Variants in CPT1A observed in about 807,000 individuals in gnomAD.
CPT1A encodes the protein carnitine O-palmitoyltransferase 1, liver isoform.
A neutral mutation model predicts 100.8 loss-of-function variants in CPT1A; 64 were observed. That is an observed-to-expected ratio of 0.63 (90% confidence interval 0.52 to 0.78). The LOEUF is 0.78. Among genes scored for constraint, CPT1A ranks in the 30% least tolerant of loss-of-function variants. The pLI is 0.00. For synonymous variants in CPT1A, 363 were observed against 396.0 expected (o/e 0.92, Z 0.99); for missense variants, 802 against 1,034.1 (o/e 0.78, Z 3.08).
chr11:68,797,782 T>G (rs1183025011), intron 6 of CPT1A, among the ~76,000 whole-genome samples: 2 of 152,130 alleles, frequency 1.3e-5, no homozygotes, highest in Non-Finnish European at 2.9e-5. Context: ...GTTCCGGACC[T>G]GCCTGGCCAA....
chr11:68,829,531 C>A (rs2154002494), intron 1 of CPT1A, among the ~76,000 whole-genome samples: 1 of 152,184 alleles, frequency 6.6e-6, no homozygotes, highest in South Asian at 2.1e-4. Flanking sequence ...ACTGGAAAGG[C>A]AGAAAAGAGG....
chr11:68,763,511 G>A (rs1451894652), intron 14 of CPT1A, among the ~76,000 whole-genome samples: 7 of 152,208 alleles, frequency 4.6e-5, no homozygotes, highest in Non-Finnish European at 1.0e-4. Context: ...CTGGGGTGCA[G>A]GAAGAATGTC....
intron 14 of CPT1A, among the ~76,000 whole-genome samples, chr11:68,765,044 C>G (rs1271086117): frequency 6.6e-6 from 1 of 152,224 alleles, no homozygotes; most frequent in South Asian, 2.1e-4. Context: ...GCCATGAGGC[C>G]ACGGGGCCTC....
chr11:68,757,356 T>A lies in CPT1A; in HGVS notation c.*288A>T, dbSNP rs766066286. ...GCCACAACCCTACTAATTCCTTCATTAACTCAACAAGATTTGCATCCCTTA... is the reference window on the plus strand; with the variant it reads ...GCCACAACCCTACTAATTCCTTCATAAACTCAACAAGATTTGCATCCCTTA... On this transcript the variant is annotated 3_prime_UTR_variant, in exon 19 of 19. Transcript: ENST00000265641. 7.7e-7 allele frequency: 1 copy of A among 1,298,784 alleles called. No homozygotes were observed. Among genetic ancestry groups the A allele is most frequent in the African/African-American group, 1.5e-5 (1 of 66,738 alleles). The allele number at this position is 1,298,784 out of a possible 1,614,324, so 80.5% of individuals were successfully genotyped here.
At chr11:68,804,220 G>C (rs1383224701) in intron 4 of CPT1A, 119 bp from the exon 5 acceptor site, 1 of 760,128 alleles carries the variant, frequency 1.3e-6, no homozygotes. Flanking sequence ...ATGGGAGAAT[G>C]ACCATTTCAA....
intron 14 of CPT1A, among the ~76,000 whole-genome samples, chr11:68,770,059 C>CAA (rs11423981): frequency 0.017 from 2,424 of 145,152 alleles, 20 homozygotes; most frequent in African/African-American, 0.028. Flanking sequence ...GGCTCCGTCT[C>CAA]AAAAAAAAAA....
At chr11:68,816,602 A>C (rs1856396741) in intron 1 of CPT1A, among the ~76,000 whole-genome samples, 1 of 151,778 alleles carries the variant, frequency 6.6e-6, no homozygotes, top group African/African-American at 2.4e-5. Flanking sequence ...GCCCACCCCC[A>C]TCCCCTCCTG....
At position 68,755,095 on chromosome 11, in the gene CPT1A, C is replaced by T; in HGVS notation, c.*2549G>A. ...CCCCCTTGGACATGTACAATAAGAC[C>T]CCTCTTTCTCCCCTCAAGGAATATA... On this transcript the variant is annotated 3_prime_UTR_variant, in exon 19 of 19. Coordinates refer to ENST00000265641, the MANE Select transcript of CPT1A (RefSeq NM_001876.4). 2.1e-6 allele frequency: 1 copy of T among 483,478 alleles called. No individual in the cohort carries two copies. The highest frequency in any genetic ancestry group is 3.7e-6 in the Non-Finnish European group (1 of 270,400). The allele number at this position is 483,478 out of a possible 1,614,324, so 29.9% of individuals were successfully genotyped here.
At chr11:68,804,673 C>T (rs1594354231) in intron 4 of CPT1A, among the ~76,000 whole-genome samples, 1 of 152,244 alleles carries the variant, frequency 6.6e-6, no homozygotes, top group Non-Finnish European at 1.5e-5. Context: ...TCGCTGCCAG[C>T]GTCGTGACTG....
At chr11:68,844,153 T>C (rs1028395132), upstream of CPT1A, 1 of 152,254 alleles carries the variant, frequency 6.6e-6, no homozygotes, top group Admixed American at 6.5e-5. Flanking sequence ...ACCTGTGCCA[T>C]GGTGGCCGGG....
intron 9 of CPT1A, among the ~76,000 whole-genome samples, chr11:68,789,640 G>C (rs941072616): frequency 1.1e-4 from 16 of 152,124 alleles, no homozygotes; most frequent in African/African-American, 3.9e-4. Flanking sequence ...GACCTCAAGT[G>C]ATCCACCCGC....
At chr11:68,787,221 G>C (rs539987884) in intron 9 of CPT1A, among the ~76,000 whole-genome samples, 4 of 151,964 alleles carry the variant, frequency 2.6e-5, no homozygotes, top group Non-Finnish European at 5.9e-5. Flanking sequence ...CGGATCACGA[G>C]GTCAGGAGAT....
intron 10 of CPT1A, among the ~76,000 whole-genome samples, 179 bp downstream of exon 10, chr11:68,784,636 C>A (rs2153998342): frequency 6.6e-6 from 1 of 152,316 alleles, no homozygotes; most frequent in East Asian, 1.9e-4. Flanking sequence ...GGCCAGGGAC[C>A]CCCCACCATG....
intron 10 of CPT1A, among the ~76,000 whole-genome samples, chr11:68,784,498 C>G (rs1855397933): frequency 6.6e-6 from 1 of 152,064 alleles, no homozygotes; most frequent in Non-Finnish European, 1.5e-5. Context: ...AGTGCCATTG[C>G]ATTCCAGCCT....
At chr11:68,799,183 A>AGCT (rs371123694) in intron 6 of CPT1A, 35 bp downstream of exon 6, 1 of 1,585,916 alleles carries the variant, frequency 6.3e-7, no homozygotes, top group Non-Finnish European at 8.7e-7. Flanking sequence ...CATACGGAAA[A>AGCT]ATTTCATCAA....
chr11:68,773,748 T>C (rs1371266166), intron 13 of CPT1A: 1 of 353,766 alleles, frequency 2.8e-6, no homozygotes, highest in East Asian at 6.9e-5. Context: ...AAAATAATAA[T>C]AGGTCACAGC....
intron 11 of CPT1A, among the ~76,000 whole-genome samples, chr11:68,781,275 C>G (rs1015318058): frequency 6.6e-5 from 10 of 152,160 alleles, no homozygotes; most frequent in Non-Finnish European, 1.5e-4. Flanking sequence ...GGAAGAATCT[C>G]AGATTTGCAG....
rs1361644005 is a variant in CPT1A, at chr11:68,775,396, C to T, written c.1495G>A (p.Ala499Thr). The part of the protein sequence containing the change: ...MSIDSLQLGY[A>T]EDGHCKGDIN... The stretch of plus-strand genomic sequence containing the variant: ...TCGCCTTTGCAGTGCCCATCCTCCG[C>T]ATAGCCCAGCTGGAGGCTGTCAATG... Residue 499 changes from alanine to threonine, a missense_variant, in exon 13 of 19, where the codon GCG becomes ACG. Ala to Thr is a moderately conservative substitution (Grantham distance 58). Transcript: ENST00000265641. The T allele has an allele frequency of 1.2e-6, 2 of 1,614,200 alleles. No homozygotes were observed. The highest frequency in any genetic ancestry group is 1.7e-5 in the Admixed American group (1 of 60,028).
intron 1 of CPT1A, among the ~76,000 whole-genome samples, chr11:68,834,672 T>C (rs1051759753): frequency 2.0e-5 from 3 of 152,000 alleles, no homozygotes; most frequent in South Asian, 2.1e-4. Context: ...GCCCAGGAGT[T>C]TGAGGTTATA....
Sources: gnomAD v4.1 joint callset for allele counts (sites outside exome capture counted in the v4.1 genomes callset) on GRCh38, gnomAD v4.1.1 for gene constraint, MANE v1.5 for transcripts, NCBI Gene and HGNC (gene_info 2026-07-23, HGNC 2026-07-21) for gene names.